Variants in TUBA3E observed in about 807,000 individuals in gnomAD.
TUBA3E encodes tubulin alpha-3E chain.
In TUBA3E, 21 loss-of-function variants were observed where a neutral mutation model predicts 36.7. That is an observed-to-expected ratio of 0.57 (90% CI 0.41 to 0.83). The LOEUF (loss-of-function observed/expected upper bound fraction) is 0.83. TUBA3E is among the 40% of genes least tolerant of loss of function. The probability of loss-of-function intolerance (pLI) is 0.00; values close to 1 mark genes in which losing one functional copy is unlikely to be tolerated. For missense variants in TUBA3E, 469 were observed against 604.2 expected (o/e 0.78, Z 2.35); for synonymous variants, 177 against 241.9 (o/e 0.73, Z 2.49).
rs746920335 is a variant in TUBA3E at position 130,194,356 on chromosome 2, G to A, written c.486C>T (p.Ser162=). The A allele has an allele frequency of 4.3e-6, 7 of 1,613,224 alleles. No individual in the cohort carries two copies. Among genetic ancestry groups the A allele is most frequent in the Non-Finnish European group, 5.1e-6 (6 of 1,179,932 alleles). The change falls in exon 4 of 5, where the codon AGC becomes AGT. Residue 162 remains serine, a synonymous_variant. Transcript: ENST00000312988. ...TGGCAAACTCTAGCTTGGACTTCTT[G>A]CTGTAATCCACTGAGAGCCGCTCCA... The part of the protein sequence containing the change: ...LLMERLSVDY[S]KKSKLEFAIY...
chr2:130,194,358 T>G lies in TUBA3E; in HGVS notation c.484A>C (p.Ser162Arg), dbSNP rs2261398. 6.3e-7 allele frequency: 1 copy of G among 1,589,964 alleles called. No individual in the cohort carries two copies. Among genetic ancestry groups the G allele is most frequent in the African/African-American group, 1.5e-5 (1 of 66,056 alleles). The change falls in exon 4 of 5, where the codon AGC becomes CGC. Residue 162 changes from serine to arginine, a missense_variant. By Grantham distance (110) the Ser-to-Arg change is moderately radical. Transcript: ENST00000312988. Reference sequence around the variant, plus strand: ...GCAAACTCTAGCTTGGACTTCTTGCTGTAATCCACTGAGAGCCGCTCCATG... The same window carrying G: ...GCAAACTCTAGCTTGGACTTCTTGCGGTAATCCACTGAGAGCCGCTCCATG... ...LLMERLSVDY[S>R]KKSKLEFAIY...
In TUBA3E at chr2:130,194,009, G is replaced by T; in HGVS notation, c.833C>A (p.Ala278Asp). 6.2e-7 allele frequency: 1 copy of T among 1,614,158 alleles called. No individual in the cohort carries two copies. The highest frequency in any genetic ancestry group is 8.5e-7 in the Non-Finnish European group (1 of 1,180,004). ...PLATYAPVIS[A>D]EKAYHEQLSV... Reference sequence around the variant, plus strand: ...CAGCTGCTCGTGGTAGGCCTTCTCAGCTGAGATGACTGGGGCGTAGGTGGC... The same window carrying T: ...CAGCTGCTCGTGGTAGGCCTTCTCATCTGAGATGACTGGGGCGTAGGTGGC... The change falls in exon 4 of 5, where the codon GCT becomes GAT. Residue 278 changes from alanine (A) to aspartate (D), a missense_variant. Around this residue, in one of 3 missense-constraint regions of TUBA3E, gnomAD observed 296 missense variants for 346.9 expected, o/e 0.85. Transcript: ENST00000312988.
Position 130,194,115 on chromosome 2 carries a change from G to T in TUBA3E, c.727C>A (p.Arg243=). The T allele has an allele frequency of 6.2e-7, 1 of 1,614,184 alleles. No individual in the cohort carries two copies. The highest frequency in any genetic ancestry group is 8.5e-7 in the Non-Finnish European group (1 of 1,180,042). ...QIVSSITASL[R]FDGALNVDLT... is the part of the protein sequence containing the mutation. ...TCCACATTCAGGGCCCCATCAAATC[G>T]CAGGGAGGCCGTGATGGAGGACACG... The change falls in exon 4 of 5, where the codon CGA becomes AGA. Residue 243 remains arginine, a synonymous_variant. Transcript: ENST00000312988.
At chr2:130,195,974 G>A (rs1020389594) in intron 2 of TUBA3E, among the ~76,000 whole-genome samples, 175 bp downstream of exon 2, 2 of 152,224 alleles carry the variant, frequency 1.3e-5, no homozygotes, top group African/African-American at 2.4e-5. Context: ...ATTAGGAGCC[G>A]AGTCTCACAG....
At chr2:130,197,663 C>T (rs1159618367) in intron 1 of TUBA3E, among the ~76,000 whole-genome samples, 1 of 126,276 alleles carries the variant, frequency 7.9e-6, no homozygotes, top group African/African-American at 2.7e-5. Context: ...CTGGAGTGCA[C>T]TGGCGCCATC....
intron 4 of TUBA3E, 34 bp from the exon 5 acceptor site, chr2:130,192,161 G>A: frequency 6.4e-7 from 1 of 1,569,802 alleles, no homozygotes; most frequent in Non-Finnish European, 8.6e-7. Flanking sequence ...AGTCCGTGAA[G>A]CTTATATCAA....
At position 130,191,956 on chromosome 2, in the gene TUBA3E, C is replaced by T. The variant is rs1482741988; in HGVS notation, c.1228G>A (p.Gly410Ser). 4 of 1,614,036 alleles carry T rather than the reference C, an allele frequency of 2.5e-6. No individual in the cohort carries two copies. The highest frequency in any genetic ancestry group is 8.5e-7 in the Non-Finnish European group (1 of 1,180,004). ...AKWAFVHWYV[G>S]EGMEEGEFSE... ...AACTCTCCCTCTTCCATGCCTTCGC[C>T]CACGTACCAGTGCACAAAGGCCCAC... Residue 410 changes from glycine to serine, a missense_variant, in exon 5 of 5, where the codon GGC becomes AGC. Physicochemically the swap from Gly to Ser is moderately conservative, Grantham distance 56. Transcript: ENST00000312988.
rs186448208 is a variant in TUBA3E, at chr2:130,192,724, C to G, written c.1057-597G>C. Among the ~76,000 whole-genome samples the G allele has an allele frequency of 2.5e-3, 374 of 152,282 alleles. 3 individuals are homozygous for G. The highest frequency in any genetic ancestry group is 8.7e-3 in the African/African-American group (363 of 41,532). On this transcript the variant is annotated intron_variant, in intron 4 of 4. Coordinates refer to ENST00000312988, the MANE Select transcript of TUBA3E (RefSeq NM_207312.3). ...GGGAAGCATTCCAAGTTTCAGAACT[C>G]GGTAATAACATGACCTGAGGTCCTG...
chr2:130,196,022 A>G, intron 2 of TUBA3E, 127 bp downstream of exon 2: 2 of 1,383,296 alleles, frequency 1.4e-6, no homozygotes, highest in Non-Finnish European at 1.9e-6. Context: ...CTCTCCTAAC[A>G]ATGCCATGGG....
chr2:130,193,484 C>G (rs1269544118), intron 4 of TUBA3E, among the ~76,000 whole-genome samples: 1 of 151,704 alleles, frequency 6.6e-6, no homozygotes, highest in African/African-American at 2.4e-5. Flanking sequence ...TGGCAGGTAC[C>G]TGTAATCCCA....
chr2:130,194,970 G>A (rs572738533), intron 3 of TUBA3E, 109 bp downstream of exon 3: 15 of 1,546,438 alleles, frequency 9.7e-6, no homozygotes, highest in African/African-American at 5.5e-5. Flanking sequence ...GAGCCACCGC[G>A]CCCGGCCAAG....
rs778488883 is a variant in TUBA3E, at chr2:130,192,092, G to C, written c.1092C>G (p.Pro364=). Residue 364 remains proline, a synonymous_variant, in exon 5 of 5, where the codon CCC becomes CCG. Transcript: ENST00000312988. The part of the protein sequence containing the change: ...GINYQPPTVV[P]GGDLAKVQRA... Reference sequence around the variant, plus strand: ...GCTGCACCTTGGCCAGGTCTCCCCCGGGGACCACTGTGGGGGGCTGGTAGT... The same window carrying C: ...GCTGCACCTTGGCCAGGTCTCCCCCCGGGACCACTGTGGGGGGCTGGTAGT... The C allele has an allele frequency of 1.2e-6, 2 of 1,605,850 alleles. No individual in the cohort carries two copies. Among genetic ancestry groups the C allele is most frequent in the Non-Finnish European group, 1.7e-6 (2 of 1,175,852 alleles).
Position 130,196,197 on chromosome 2 carries a change from T to C in TUBA3E, c.178A>G (p.Lys60Glu), listed in dbSNP as rs1690398433. The change falls in exon 2 of 5, where the codon AAG (lysine) becomes GAG (glutamate). Residue 60 changes from lysine to glutamate, a missense_variant. Around this residue, in one of 3 missense-constraint regions of TUBA3E, gnomAD observed 169 missense variants for 239.0 expected, o/e 0.71. Transcript: ENST00000312988. ...NTFFSETGAG[K>E]HVPRAVFVDL... ...ACAAACACTGCTCTGGGCACGTGCT[T>C]GCCAGCTCCAGTCTCACTGAAGAAC... The C allele has an allele frequency of 6.2e-7, 1 of 1,613,988 alleles. No homozygotes were observed. Among genetic ancestry groups the C allele is most frequent in the Non-Finnish European group, 8.5e-7 (1 of 1,179,878 alleles).
At chr2:130,193,680 G>T in intron 4 of TUBA3E, 106 bp downstream of exon 4, 2 of 1,391,992 alleles carry the variant, frequency 1.4e-6, no homozygotes, top group Admixed American at 2.3e-5. Context: ...CACATGCCTA[G>T]CCCATGGAAC....
intron 1 of TUBA3E, among the ~76,000 whole-genome samples, chr2:130,198,008 G>C (rs60052984): frequency 0.024 from 2,986 of 122,984 alleles, 728 homozygotes; most frequent in African/African-American, 0.08. Flanking sequence ...GTCACCGAAG[G>C]CTCCTGCAGC....
rs537341418 is a variant in TUBA3E, at chr2:130,196,506, G to A, written c.4-135C>T. Reference sequence around the variant, plus strand: ...CTTTCACAATCGATATTTCCTAGGAGGGTTAGTGACTGATCCCTTTATCGC... The same window carrying A: ...CTTTCACAATCGATATTTCCTAGGAAGGTTAGTGACTGATCCCTTTATCGC... On this transcript the variant is annotated intron_variant, in intron 1 of 4. Transcript: ENST00000312988. The A allele has an allele frequency of 1.3e-3, 1,662 of 1,264,622 alleles. 12 individuals are homozygous for A. In the Middle Eastern group the frequency reaches 0.015, roughly 11 times the overall value. 78.3% of individuals were successfully genotyped at this position (1,264,622 alleles called of 1,614,324 possible). A position where few individuals can be genotyped will look rare whatever the true frequency, so the allele number is the denominator to read the frequency against.
At chr2:130,192,621 C>T (rs1472832236) in intron 4 of TUBA3E, among the ~76,000 whole-genome samples, 3 of 152,196 alleles carry the variant, frequency 2.0e-5, no homozygotes, top group Non-Finnish European at 2.9e-5. Context: ...AATGCTGCTA[C>T]CACAGCAGCA....
In TUBA3E at chr2:130,196,294, T is replaced by C. The variant is rs765646164; in HGVS notation, c.81A>G (p.Glu27=). 7 of 1,613,982 alleles carry C rather than the reference T, an allele frequency of 4.3e-6. No homozygotes were observed. In the East Asian group the frequency reaches 1.6e-4, roughly 36 times the overall value. Residue 27 remains glutamate, a synonymous_variant, in exon 2 of 5, where the codon GAA becomes GAG. Transcript: ENST00000312988. ...TTTGACCATCGGGCTGAATTCCATG[T>C]TCAAGGCAGTACAGTTCCCAGCAGG... ...GNACWELYCL[E]HGIQPDGQMP...
chr2:130,194,576 T>C, intron 3 of TUBA3E, 110 bp from the exon 4 acceptor site: 2 of 1,228,392 alleles, frequency 1.6e-6, no homozygotes, highest in South Asian at 1.6e-5. Context: ...TGGATTCAAA[T>C]CATCCATAAT....
Sources: allele counts gnomAD v4.1 joint callset (sites outside exome capture counted in the v4.1 genomes callset), GRCh38; gene constraint gnomAD v4.1.1; regional missense constraint gnomAD v4.1.1; transcripts MANE v1.5; gene names NCBI Gene and HGNC (gene_info 2026-07-23, HGNC 2026-07-21).